Variants in ASMTL observed in about 807,000 individuals in gnomAD.
ASMTL encodes probable bifunctional dTTP/UTP pyrophosphatase/methyltransferase protein.
Under a neutral mutation model 60.3 loss-of-function variants are expected in ASMTL, and 57 were observed. The ratio of observed to expected loss-of-function variants is 0.95; its 90% CI spans 0.76 to 1.18. ASMTL has a LOEUF of 1.18. Ranked by LOEUF, ASMTL falls within the 50% of genes most tolerant of loss-of-function variation. ASMTL has a pLI of 0.00. For synonymous variants in ASMTL, 419 were observed against 373.0 expected, an observed-to-expected ratio of 1.12 and a Z score of -1.42; for missense variants, 981 against 852.6, an observed-to-expected ratio of 1.15 and a Z score of -1.88.
intron 7 of ASMTL, among the ~76,000 whole-genome samples, chrX:1,426,005 G>A (rs2090602665): frequency 6.6e-6 from 1 of 152,186 alleles, no homozygotes; most frequent in African/African-American, 2.4e-5. Flanking sequence ...GGATGTGACT[G>A]TATTTGTAGG....
chrX:1,443,461 C>G lies in ASMTL; in HGVS notation c.94-1144G>C, dbSNP rs189026501. ...TGGACAGACACCGCCATCTTGGACA[C>G]ACACCACCATCGTGGACACATGCCG... On this transcript the variant is annotated intron_variant, in intron 1 of 12. Coordinates refer to ENST00000381317, the MANE Select transcript of ASMTL (RefSeq NM_004192.4). 3.7e-3 allele frequency among the ~76,000 whole-genome samples: 528 copies of G among 144,600 alleles called. 39 individuals are homozygous for G. The highest frequency in any genetic ancestry group is 0.013 in the African/African-American group (468 of 34,990). 94.9% of individuals were successfully genotyped at this position (144,600 alleles called of 152,430 possible). A position where few individuals can be genotyped will look rare whatever the true frequency, so the allele number is the denominator to read the frequency against.
intron 11 of ASMTL, among the ~76,000 whole-genome samples, chrX:1,417,689 A>G (rs1295829422): frequency 2.0e-5 from 3 of 151,640 alleles, no homozygotes; most frequent in East Asian, 1.9e-4. Context: ...ATGCAACCAC[A>G]CACCAGAGAC....
chrX:1,411,662 C>T (rs1159685272), intron 12 of ASMTL, among the ~76,000 whole-genome samples: 5 of 152,206 alleles, frequency 3.3e-5, no homozygotes, highest in South Asian at 2.1e-4. Context: ...CCCTCTGCCT[C>T]GGCCACCCCT....
chrX:1,446,437 C>G (rs1450875273), intron 1 of ASMTL, among the ~76,000 whole-genome samples: 1 of 151,892 alleles, frequency 6.6e-6, no homozygotes, highest in African/African-American at 2.4e-5. Flanking sequence ...TCTACACTCT[C>G]ATGCCTCCGC....
rs1434424419 is a variant in ASMTL, at chrX:1,435,626, C to T, written c.338+68G>A. ...GATCCACCCTGCTCCCCAGGACACC[C>T]GGCCAGATACCACAGCTACTCTGTG... On this transcript the variant is annotated intron_variant, in intron 4 of 12. Transcript: ENST00000381317. The T allele has an allele frequency of 3.0e-5, 46 of 1,513,524 alleles. 1 individual carries two copies. Among genetic ancestry groups the T allele is most frequent in the South Asian group, 1.9e-4 (17 of 88,344 alleles). The allele number at this position is 1,513,524 out of a possible 1,614,324, so 93.8% of individuals were successfully genotyped here. A position where few individuals can be genotyped will look rare whatever the true frequency, so the allele number is the denominator to read the frequency against.
chrX:1,451,416 A>C (rs1354013830), intron 1 of ASMTL, among the ~76,000 whole-genome samples: 290 of 55,052 alleles, frequency 5.3e-3, no homozygotes, highest in Middle Eastern at 0.016. Context: ...ACTCTCCCCA[A>C]CCCCATGCCT....
chrX:1,418,623 A>T (rs183063367), intron 10 of ASMTL, among the ~76,000 whole-genome samples: 13 of 152,172 alleles, frequency 8.5e-5, no homozygotes, highest in African/African-American at 3.1e-4. Flanking sequence ...CCGATCCCCC[A>T]GCAGCCCTTG....
chrX:1,427,942 G>T lies in ASMTL; in HGVS notation c.689C>A (p.Pro230Gln), dbSNP rs201432062. ...LRRSVKHDSI[P>Q]AADTFEDLSD... ...GAGGTCTTCGAAGGTGTCCGCGGCC[G>T]GGATGGAGTCGTGCTTGACACTCCG... Residue 230 changes from proline to glutamine, a missense_variant, in exon 7 of 13, where the codon CCG (proline) becomes CAG (glutamine). Physicochemically the swap from Pro to Gln is moderately conservative, Grantham distance 76 (BLOSUM62 -1). Coordinates refer to ENST00000381317, the MANE Select transcript of ASMTL (RefSeq NM_004192.4). The T allele has an allele frequency of 6.2e-7, 1 of 1,613,458 alleles. No individual in the cohort carries two copies. The highest frequency in any genetic ancestry group is 1.7e-5 in the Admixed American group (1 of 60,022).
At chrX:1,416,466 GAC>G (rs1419272680) in intron 11 of ASMTL, among the ~76,000 whole-genome samples, 1 of 86,706 alleles carries the variant, frequency 1.2e-5, no homozygotes, top group Admixed American at 1.0e-4. Context: ...TGGACACGCA[GAC>G]ACACATGGAC....
chrX:1,415,204 G>C (rs73618976), intron 11 of ASMTL, among the ~76,000 whole-genome samples: 140,856 of 151,766 alleles, frequency 0.93, 66,052 homozygotes, highest in East Asian at 1. Context: ...GCCTCCCAGA[G>C]GGCTGGGATT....
intron 8 of ASMTL, among the ~76,000 whole-genome samples, chrX:1,424,948 G>GTCCA (rs761777284): frequency 4.1e-4 from 7 of 16,964 alleles, no homozygotes; most frequent in African/African-American, 6.5e-4. Context: ...CAATCCATCT[G>GTCCA]TCCATCCATC....
chrX:1,436,438 C>T (rs1337604185), intron 3 of ASMTL, among the ~76,000 whole-genome samples: 2 of 151,872 alleles, frequency 1.3e-5, no homozygotes, highest in East Asian at 1.9e-4. Context: ...CTGCAAGCTC[C>T]GCCTCCCGGG....
At chrX:1,406,277 AGATG>A (rs1343702535) in intron 12 of ASMTL, among the ~76,000 whole-genome samples, 4 of 146,670 alleles carry the variant, frequency 2.7e-5, no homozygotes, top group Non-Finnish European at 6.0e-5. Flanking sequence ...TGCATGGATG[AGATG>A]GATGGTTGGG....
intron 5 of ASMTL, among the ~76,000 whole-genome samples, chrX:1,433,088 A>G (rs1273453510): frequency 1.3e-5 from 2 of 152,026 alleles, no homozygotes; most frequent in African/African-American, 4.8e-5. Flanking sequence ...ACAGAGCGAG[A>G]CTCTGTCTCA....
chrX:1,427,824 C>G lies in ASMTL; in HGVS notation c.807G>C (p.Thr269=). Residue 269 remains threonine (T), a synonymous_variant, in exon 7 of 13, where the codon ACG becomes ACC. Transcript: ENST00000381317. ...KAEAGEAGQA[T]AEAECHRTRE... ...GAGTCCTGTGACACTCAGCCTCTGC[C>G]GTGGCCTGTCCCGCCTCTCCCGCCT... The G allele has an allele frequency of 6.2e-7, 1 of 1,612,264 alleles. No homozygotes were observed. Among genetic ancestry groups the G allele is most frequent in the Non-Finnish European group, 8.5e-7 (1 of 1,179,830 alleles).
At chrX:1,428,318 A>T in intron 6 of ASMTL, 197 bp from the exon 7 acceptor site, 1 of 116,608 alleles carries the variant, frequency 8.6e-6, no homozygotes, top group African/African-American at 4.2e-5. Flanking sequence ...CGCCTTTGGC[A>T]TCTCAAAAAA....
intron 1 of ASMTL, among the ~76,000 whole-genome samples, chrX:1,451,419 C>T (rs1473450308): frequency 6.7e-6 from 1 of 149,984 alleles, no homozygotes; most frequent in Non-Finnish European, 1.5e-5. Context: ...CTCCCCAACC[C>T]CATGCCTAGG....
chrX:1,437,618 C>T (rs1213219973), intron 3 of ASMTL, among the ~76,000 whole-genome samples: 2 of 152,174 alleles, frequency 1.3e-5, no homozygotes, highest in Non-Finnish European at 2.9e-5. Flanking sequence ...AAGACATGGG[C>T]CGGGCGTGGT....
rs778667528 is a variant in ASMTL at position 1,452,129 on chromosome X, C to A, written c.93+619G>T. On this transcript the variant is annotated intron_variant, in intron 1 of 12. Coordinates refer to ENST00000381317, the MANE Select transcript of ASMTL (RefSeq NM_004192.4). ...CCCTAGGGGGTCCTGGGTCACTCTC[C>A]CCAACCCCATCCCTAGGGGTCCCGG... Among the ~76,000 whole-genome samples the A allele has an allele frequency of 3.4e-5, 5 of 148,540 alleles. No individual in the cohort carries two copies. In the South Asian group the frequency reaches 8.6e-4, roughly 26 times the overall value.
Sources: allele counts gnomAD v4.1 joint callset (sites outside exome capture counted in the v4.1 genomes callset), GRCh38; gene constraint gnomAD v4.1.1; transcripts MANE v1.5; gene names NCBI Gene and HGNC (gene_info 2026-07-23, HGNC 2026-07-21).